Variants in NTN1 observed in about 807,000 individuals in gnomAD.
The protein encoded by NTN1 is netrin 1.
NTN1 carries 11 observed loss-of-function variants against 54.2 expected under a neutral mutation model. The ratio of observed to expected loss-of-function variants is 0.20; its 90% CI spans 0.13 to 0.34. NTN1 has a LOEUF of 0.34. Ranked by LOEUF, NTN1 falls within the 10% of genes least tolerant of loss-of-function variation. The pLI, the probability that NTN1 is intolerant of heterozygous loss-of-function variation, is 1.00. For synonymous variants in NTN1, 371 were observed against 382.0 expected, an observed-to-expected ratio of 0.97 and a Z score of 0.33; for missense variants, 740 against 893.1, an observed-to-expected ratio of 0.83 and a Z score of 2.18.
intron 2 of NTN1, among the ~76,000 whole-genome samples, chr17:9,052,471 C>T (rs898245265): frequency 6.6e-6 from 1 of 152,120 alleles, no homozygotes; most frequent in African/African-American, 2.4e-5. Flanking sequence ...ATAGGTACAT[C>T]AATCGAACAT....
At chr17:9,038,213 C>CTT (rs1222694531) in intron 2 of NTN1, among the ~76,000 whole-genome samples, 1 of 131,188 alleles carries the variant, frequency 7.6e-6, no homozygotes, top group East Asian at 2.0e-4. Context: ...ATCGGACTCT[C>CTT]TCTCTCTGTG....
chr17:9,056,559 C>A (rs574222589), intron 2 of NTN1, among the ~76,000 whole-genome samples: 1 of 152,166 alleles, frequency 6.6e-6, no homozygotes, highest in Non-Finnish European at 1.5e-5. Context: ...AGTTAGAGAC[C>A]ACCAAGTAGG....
At chr17:9,051,895 T>C (rs562784182) in intron 2 of NTN1, among the ~76,000 whole-genome samples, 1 of 152,254 alleles carries the variant, frequency 6.6e-6, no homozygotes, top group East Asian at 1.9e-4. Flanking sequence ...TTTTTTCATC[T>C]ATGTTTTTGT....
chr17:9,182,166 G>T (rs1258974435), intron 4 of NTN1, among the ~76,000 whole-genome samples: 2 of 152,104 alleles, frequency 1.3e-5, no homozygotes, highest in Admixed American at 1.3e-4. Flanking sequence ...TCTTGTAGAG[G>T]CAAGGTCTTG....
intron 3 of NTN1, 35 bp from the exon 4 acceptor site, chr17:9,179,772 C>CT: frequency 6.2e-7 from 1 of 1,603,230 alleles, no homozygotes; most frequent in Non-Finnish European, 8.5e-7. Flanking sequence ...GCCGCTTCCC[C>CT]CTTGTCTGAC....
intron 5 of NTN1, among the ~76,000 whole-genome samples, chr17:9,187,249 T>C (rs1171144869): frequency 6.6e-6 from 1 of 151,982 alleles, no homozygotes; most frequent in Admixed American, 6.6e-5. Context: ...GTCAGCTTGA[T>C]TGGGCTTTTG....
At chr17:9,097,540 G>A (rs542413551) in intron 2 of NTN1, among the ~76,000 whole-genome samples, 3 of 152,196 alleles carry the variant, frequency 2.0e-5, no homozygotes, top group Non-Finnish European at 2.9e-5. Flanking sequence ...CAGGATAATC[G>A]CTTGAACCTA....
chr17:9,150,261 C>T (rs1245226695), intron 2 of NTN1, among the ~76,000 whole-genome samples: 2 of 152,100 alleles, frequency 1.3e-5, no homozygotes, highest in Non-Finnish European at 2.9e-5. Flanking sequence ...GTCTCTGGAC[C>T]CCCACTGTGA....
chr17:9,189,971 G>T (rs1904407409), intron 5 of NTN1, among the ~76,000 whole-genome samples: 1 of 152,202 alleles, frequency 6.6e-6, no homozygotes, highest in Admixed American at 6.5e-5. Flanking sequence ...GCTAATCCCA[G>T]AATGGGTGAG....
chr17:9,104,684 T>G (rs1270653749), intron 2 of NTN1, among the ~76,000 whole-genome samples: 1 of 152,210 alleles, frequency 6.6e-6, no homozygotes, highest in Admixed American at 6.5e-5. Context: ...TGCTGGCACG[T>G]CAAAGCTGAA....
intron 2 of NTN1, among the ~76,000 whole-genome samples, chr17:9,133,362 C>T (rs764070703): frequency 4.6e-5 from 7 of 152,206 alleles, no homozygotes; most frequent in South Asian, 2.1e-4. Flanking sequence ...AAGGGCTTGC[C>T]GAGGAAGGAT....
rs773929383 is a variant in NTN1 at position 9,239,676 on chromosome 17, G to A, written c.1523G>A (p.Gly508Glu). The A allele has an allele frequency of 2.1e-5, 34 of 1,612,638 alleles. No individual in the cohort carries two copies. In the Middle Eastern group the frequency reaches 4.9e-4, roughly 23 times the overall value. ...QIHILKADKAGDWWKFTVNII... is the reference protein window; with the variant it reads ...QIHILKADKAEDWWKFTVNII... Reference sequence around the variant, plus strand: ...CACATCCTGAAGGCGGACAAGGCGGGGGACTGGTGGAAGTTCACGGTGAAC... The same window carrying A: ...CACATCCTGAAGGCGGACAAGGCGGAGGACTGGTGGAAGTTCACGGTGAAC... Residue 508 changes from glycine (G) to glutamate (E), a missense_variant, in exon 7 of 7, where the codon GGG (glycine) becomes GAG (glutamate). Coordinates refer to ENST00000173229, the MANE Select transcript of NTN1 (RefSeq NM_004822.3). The surrounding 1 kb of genome is among the most constrained non-coding windows in gnomAD (Gnocchi z 5.2).
chr17:9,072,299 A>G (rs1275098179), intron 2 of NTN1, among the ~76,000 whole-genome samples: 1 of 151,276 alleles, frequency 6.6e-6, no homozygotes, highest in Non-Finnish European at 1.5e-5. Flanking sequence ...CTGTCTGCCA[A>G]GAAGGACCAT....
chr17:9,168,698 G>A (rs2092379581), intron 3 of NTN1, among the ~76,000 whole-genome samples: 3 of 152,204 alleles, frequency 2.0e-5, no homozygotes, highest in African/African-American at 7.2e-5. Context: ...TCACAGCAAA[G>A]CAAAGTTCCT....
At position 9,076,397 on chromosome 17, in the gene NTN1, C is replaced by T. The variant is rs569495823; in HGVS notation, c.1018+53006C>T. Among the ~76,000 whole-genome samples, 6 of 152,220 alleles carry T rather than the reference C, an allele frequency of 3.9e-5. No individual in the cohort carries two copies. The South Asian group carries it at 8.3e-4, about 21-fold the overall frequency. On this transcript the variant is annotated intron_variant, in intron 2 of 6. Transcript: ENST00000173229. ...TATTTTTAAGTTTTTTTGTTAGAGA[C>T]GGTCTCACCCTGTCATCCAGGCTGG...
intron 2 of NTN1, among the ~76,000 whole-genome samples, chr17:9,028,153 C>CT (rs964785278): frequency 6.6e-6 from 1 of 152,102 alleles, no homozygotes; most frequent in Non-Finnish European, 1.5e-5. Flanking sequence ...TCTCTTTTCA[C>CT]CCTAGTGTTC....
chr17:9,147,039 C>T (rs1456715168), intron 2 of NTN1, among the ~76,000 whole-genome samples: 2 of 152,128 alleles, frequency 1.3e-5, no homozygotes, highest in Non-Finnish European at 2.9e-5. Flanking sequence ...AGCTATGGAG[C>T]CACCATCTCT....
intron 2 of NTN1, among the ~76,000 whole-genome samples, chr17:9,105,413 C>T (rs1597489144): frequency 6.6e-6 from 1 of 152,186 alleles, no homozygotes; most frequent in Non-Finnish European, 1.5e-5. Flanking sequence ...GGCTTAGGAA[C>T]ATTTGGGGGC....
chr17:9,233,379 C>T (rs1905880347), intron 6 of NTN1, among the ~76,000 whole-genome samples: 1 of 152,028 alleles, frequency 6.6e-6, no homozygotes, highest in African/African-American at 2.4e-5. Flanking sequence ...AACTTCTGCA[C>T]CGGCCGGACA....
Sources: allele counts gnomAD v4.1 joint callset (sites outside exome capture counted in the v4.1 genomes callset), GRCh38; gene constraint gnomAD v4.1.1; non-coding constraint Gnocchi (gnomAD v3.1); transcripts MANE v1.5; gene names NCBI Gene and HGNC (gene_info 2026-07-23, HGNC 2026-07-21).